Variants in PCSK5 observed in about 807,000 individuals in gnomAD.
The protein encoded by PCSK5 is proprotein convertase subtilisin/kexin type 5.
In PCSK5, 129 loss-of-function variants were observed where a neutral mutation model predicts 233.2. The observed-to-expected ratio is 0.55, with a 90% CI of 0.48 to 0.64. The LOEUF (loss-of-function observed/expected upper bound fraction) is 0.64, where lower values mean the gene tolerates loss of function less well. Among genes scored for constraint, PCSK5 ranks in the 30% least tolerant of loss-of-function variants. PCSK5 has a pLI of 0.00. For missense variants in PCSK5, 2,076 were observed against 2,430.1 expected, an observed-to-expected ratio of 0.85 and a Z score of 3.06; for synonymous variants, 825 against 879.2, an observed-to-expected ratio of 0.94 and a Z score of 1.09.
At chr9:76,132,118 G>A (rs1237567846) in intron 9 of PCSK5, among the ~76,000 whole-genome samples, 1 of 152,048 alleles carries the variant, frequency 6.6e-6, no homozygotes, top group African/African-American at 2.4e-5. Context: ...AACATCTTAT[G>A]TTGAGACTGG....
chr9:75,979,119 G>T (rs1826159374), intron 2 of PCSK5, among the ~76,000 whole-genome samples: 1 of 152,086 alleles, frequency 6.6e-6, no homozygotes. Context: ...CTCCCAAAGT[G>T]CTGGGATTAT....
intron 9 of PCSK5, among the ~76,000 whole-genome samples, chr9:76,126,512 C>G (rs1476725906): frequency 6.6e-6 from 1 of 152,110 alleles, no homozygotes; most frequent in African/African-American, 2.4e-5. Flanking sequence ...ACTCAGGAGG[C>G]TGAGGCAGGA....
At chr9:76,266,458 A>T (rs1827336222) in intron 24 of PCSK5, among the ~76,000 whole-genome samples, 1 of 152,180 alleles carries the variant, frequency 6.6e-6, no homozygotes, top group African/African-American at 2.4e-5. Flanking sequence ...TTTAATTCCC[A>T]TTGCAAAATA....
chr9:76,323,137 C>A lies in PCSK5; in HGVS notation c.4188C>A (p.Val1396=). Reference sequence around the variant, plus strand: ...TCTATGCAGACTCGCGCCACTGTGTCCCCTGCCATAAAGACTGTCTGGAGT... The same window carrying A: ...TCTATGCAGACTCGCGCCACTGTGTACCCTGCCATAAAGACTGTCTGGAGT... ...RGFYADSRHC[V]PCHKDCLECS... Residue 1396 remains valine, a synonymous_variant, in exon 32 of 38, where the codon GTC becomes GTA. Transcript: ENST00000674117. 1 of 1,612,158 alleles carries A rather than the reference C, an allele frequency of 6.2e-7. No homozygotes were observed. The highest frequency in any genetic ancestry group is 8.5e-7 in the Non-Finnish European group (1 of 1,179,360).
Position 76,359,451 on chromosome 9 carries a change from C to G in PCSK5, c.*529C>G, listed in dbSNP as rs559944191. The stretch of plus-strand genomic sequence containing the variant: ...TTGTAAGGGCCAAGAAAAGAGGGCT[C>G]TTATCAATTGACTCCAGGCCACCCC... On this transcript the variant is annotated 3_prime_UTR_variant, in exon 38 of 38. Transcript: ENST00000674117. 3 of 160,716 alleles carry G rather than the reference C, an allele frequency of 1.9e-5. No individual in the cohort carries two copies. The highest frequency in any genetic ancestry group is 1.8e-4 in the East Asian group (1 of 5,712). The allele number at this position is 160,716 out of a possible 1,614,324, so 10.0% of individuals were successfully genotyped here.
chr9:75,911,681 G>A (rs1437329915), intron 1 of PCSK5, among the ~76,000 whole-genome samples: 1 of 152,132 alleles, frequency 6.6e-6, no homozygotes, highest in African/African-American at 2.4e-5. Flanking sequence ...GTCTAGGATG[G>A]CTTCACTCAC....
At chr9:76,231,187 G>A (rs1826066883) in intron 21 of PCSK5, among the ~76,000 whole-genome samples, 1 of 152,136 alleles carries the variant, frequency 6.6e-6, no homozygotes, top group African/African-American at 2.4e-5. Flanking sequence ...TCTTCACAGG[G>A]TGGCAGGAAG....
intron 24 of PCSK5, among the ~76,000 whole-genome samples, chr9:76,249,574 G>A (rs1826735365): frequency 6.6e-6 from 1 of 152,212 alleles, no homozygotes; most frequent in Non-Finnish European, 1.5e-5. Context: ...TGCCTTGATT[G>A]TGGTTTCTAA....
chr9:76,230,922 T>TGTGC (rs1826060229), intron 21 of PCSK5, among the ~76,000 whole-genome samples: 1 of 152,128 alleles, frequency 6.6e-6, no homozygotes, highest in African/African-American at 2.4e-5. Context: ...AATGTAATAA[T>TGTGC]AATAGAAATG....
chr9:75,966,473 A>G (rs914257), intron 2 of PCSK5, among the ~76,000 whole-genome samples: 116,886 of 151,874 alleles, frequency 0.77, 45,197 homozygotes, highest in Admixed American at 0.81. Flanking sequence ...TACATTGCCC[A>G]TAAGGAGAGC....
chr9:75,995,096 TG>T (rs1473506178), intron 3 of PCSK5, among the ~76,000 whole-genome samples: 1 of 152,222 alleles, frequency 6.6e-6, no homozygotes, highest in Non-Finnish European at 1.5e-5. Flanking sequence ...GTCCCTCTGC[TG>T]GGTTAATTCC....
chr9:76,288,961 T>C (rs534748266), intron 24 of PCSK5, among the ~76,000 whole-genome samples: 13 of 152,204 alleles, frequency 8.5e-5, no homozygotes, highest in Middle Eastern at 3.4e-3. Flanking sequence ...TAAAATGGCA[T>C]AGAATGTAAA....
intron 21 of PCSK5, among the ~76,000 whole-genome samples, chr9:76,230,917 A>AT (rs1826059988): frequency 6.6e-6 from 1 of 152,208 alleles, no homozygotes; most frequent in African/African-American, 2.4e-5. Context: ...ATCACAATGT[A>AT]ATAATAATAG....
At position 76,188,593 on chromosome 9, in the gene PCSK5, G is replaced by T. The variant is rs747774986; in HGVS notation, c.2298G>T (p.Arg766=). 2 of 1,613,286 alleles carry T rather than the reference G, an allele frequency of 1.2e-6. No homozygotes were observed. Among genetic ancestry groups the T allele is most frequent in the Middle Eastern group, 1.7e-4 (1 of 6,060 alleles). ...CTTCTTCCAGCCTGCAGGGATCCCG[G>T]TGCTCTGTCTCCTGTGAAGATGGAC... ...CRDGLSLQGS[R]CSVSCEDGRY... is the part of the protein sequence containing the mutation. The change falls in exon 18 of 38, where the codon CGG becomes CGT. Residue 766 remains arginine, a synonymous_variant. Coordinates refer to ENST00000674117, the MANE Select transcript of PCSK5 (RefSeq NM_001372043.1).
At chr9:76,312,870 C>T (rs969836849) in intron 30 of PCSK5, among the ~76,000 whole-genome samples, 7 of 152,098 alleles carry the variant, frequency 4.6e-5, no homozygotes, top group Non-Finnish European at 8.8e-5. Flanking sequence ...AAGACCAACT[C>T]CAGGAAGTCC....
At chr9:76,267,577 C>T (rs183277440) in intron 24 of PCSK5, among the ~76,000 whole-genome samples, 57 of 152,202 alleles carry the variant, frequency 3.7e-4, no homozygotes, top group Admixed American at 1.4e-3. Flanking sequence ...ATCTTTTCTT[C>T]GTTATCACAA....
chr9:76,286,043 C>T (rs575808747), intron 24 of PCSK5, among the ~76,000 whole-genome samples: 1 of 152,198 alleles, frequency 6.6e-6, no homozygotes, highest in Non-Finnish European at 1.5e-5. Context: ...ACACTTACAC[C>T]ACTACAAAAA....
At chr9:75,931,865 C>T (rs996320923) in intron 1 of PCSK5, among the ~76,000 whole-genome samples, 8 of 151,820 alleles carry the variant, frequency 5.3e-5, no homozygotes, top group Non-Finnish European at 7.4e-5. Flanking sequence ...TATATTTATA[C>T]TGTCTACAGA....
Position 76,239,172 on chromosome 9 carries a change from C to T in PCSK5, c.3073+7C>T, listed in dbSNP as rs1826350674. 1 of 1,565,904 alleles carries T rather than the reference C, an allele frequency of 6.4e-7. No homozygotes were observed. The highest frequency in any genetic ancestry group is 1.4e-5 in the African/African-American group (1 of 73,842). On this transcript the variant is annotated splice_region_variant and intron_variant, in intron 23 of 37. Coordinates refer to ENST00000674117, the MANE Select transcript of PCSK5 (RefSeq NM_001372043.1). ...AAGTTAGAGTGTGGACAAGGTAAGC[C>T]TGCTCCTGGGCCCTTGCCCAGCACC...
Sources: gnomAD v4.1 joint callset for allele counts (sites outside exome capture counted in the v4.1 genomes callset) on GRCh38, gnomAD v4.1.1 for gene constraint, MANE v1.5 for transcripts, NCBI Gene and HGNC (gene_info 2026-07-23, HGNC 2026-07-21) for gene names.